Variants in CLRN1 observed in about 807,000 individuals in gnomAD.
CLRN1 encodes clarin-1.
Under a neutral mutation model 18.7 loss-of-function variants are expected in CLRN1, and 15 were observed. The observed-to-expected ratio is 0.80, with a 90% confidence interval of 0.54 to 1.23. The LOEUF (loss-of-function observed/expected upper bound fraction) is 1.23. CLRN1 is among the 50% of genes most tolerant of loss of function. The probability of loss-of-function intolerance (pLI) is 0.00; values close to 1 mark genes in which losing one functional copy is unlikely to be tolerated. For missense variants in CLRN1, 311 were observed against 277.5 expected, an observed-to-expected ratio of 1.12 and a Z score of -0.86; for synonymous variants, 104 against 102.9, an observed-to-expected ratio of 1.01 and a Z score of -0.07.
chr3:150,943,755 G>A, intron 1 of CLRN1: 1 of 1,612,236 alleles, frequency 6.2e-7, no homozygotes, highest in Non-Finnish European at 8.5e-7. Flanking sequence ...GCTGTCCACA[G>A]ATGGCAGAGC....
At chr3:150,969,472 G>GT in intron 1 of CLRN1, among the ~76,000 whole-genome samples, 1 of 150,232 alleles carries the variant, frequency 6.7e-6, no homozygotes, top group South Asian at 2.1e-4. Context: ...GACTACAGGC[G>GT]CCCCCGCCAC....
chr3:150,942,661 T>C (rs1375679566), intron 1 of CLRN1: 1 of 430,882 alleles, frequency 2.3e-6, no homozygotes. Flanking sequence ...AGACAGACCA[T>C]TAGAAAGCAA....
Position 150,960,026 on chromosome 3 carries a change from G to A in CLRN1, c.253+12430C>T, listed in dbSNP as rs938853076. ...GGCCAATGGGGAGACAAACAGCCAGGCATTAACTGAGCGGCAGCATGGCGG... is the reference window on the plus strand; with the variant it reads ...GGCCAATGGGGAGACAAACAGCCAGACATTAACTGAGCGGCAGCATGGCGG... On this transcript the variant is annotated intron_variant, in intron 1 of 2. Transcript: ENST00000327047. Among the ~76,000 whole-genome samples, 4 of 152,170 alleles carry A rather than the reference G, an allele frequency of 2.6e-5. No homozygotes were observed. In the South Asian group the frequency reaches 8.3e-4, roughly 32 times the overall value.
chr3:150,953,790 T>C lies in CLRN1; in HGVS notation c.254-12029A>G, dbSNP rs560931622. On this transcript the variant is annotated intron_variant, in intron 1 of 2. Transcript: ENST00000327047. ...ACCTCGGCCTCCCACAGTGCTGGGA[T>C]TACAGGTGTGAGTCACCACACCCGG... Among the ~76,000 whole-genome samples the C allele has an allele frequency of 8.5e-5, 13 of 152,334 alleles. No homozygotes were observed. The South Asian group carries it at 1.2e-3, about 15-fold the overall frequency.
At position 150,928,096 on chromosome 3, in the gene CLRN1, G is replaced by A. The variant is rs377547041; in HGVS notation, c.539C>T (p.Thr180Met). ...NYKEGTYVYK[T>M]QSEKYTTSFW... ...TGAGGTGGTATATTTTTCACTTTGC[G>A]TTTTGTAGACATAAGTCCCTTCTTT... The change falls in exon 3 of 3, where the codon ACG becomes ATG. Residue 180 changes from threonine to methionine, a missense_variant. Coordinates refer to ENST00000327047, the MANE Select transcript of CLRN1 (RefSeq NM_174878.3). The A allele has an allele frequency of 2.5e-5, 40 of 1,613,368 alleles. No individual in the cohort carries two copies. The African/African-American group carries it at 3.3e-4, about 13-fold the overall frequency.
chr3:150,971,684 T>C (rs967786700), intron 1 of CLRN1, among the ~76,000 whole-genome samples: 2 of 152,230 alleles, frequency 1.3e-5, no homozygotes, highest in African/African-American at 4.8e-5. Context: ...TTGTAAGAGA[T>C]ATAACAAATG....
intron 1 of CLRN1, among the ~76,000 whole-genome samples, chr3:150,947,989 T>C (rs535048156): frequency 6.6e-6 from 1 of 152,084 alleles, no homozygotes; most frequent in East Asian, 1.9e-4. Context: ...CTGAAAGAAT[T>C]AGAGAAGCAA....
At chr3:150,956,398 A>G (rs1310870602) in intron 1 of CLRN1, among the ~76,000 whole-genome samples, 1 of 152,152 alleles carries the variant, frequency 6.6e-6, no homozygotes, top group Non-Finnish European at 1.5e-5. Context: ...AAGTCTGGTA[A>G]GCAGAAATTT....
intron 2 of CLRN1, 195 bp downstream of exon 2, chr3:150,941,387 A>T (rs946841849): frequency 1.7e-6 from 1 of 583,632 alleles, no homozygotes; most frequent in African/African-American, 1.9e-5. Context: ...TTATTCATAT[A>T]GATGTCCATA....
At chr3:150,962,169 T>C (rs1455207160) in intron 1 of CLRN1, among the ~76,000 whole-genome samples, 1 of 152,196 alleles carries the variant, frequency 6.6e-6, no homozygotes, top group Non-Finnish European at 1.5e-5. Context: ...ATGATTATGT[T>C]GGGGTAATAA....
chr3:150,972,840 C>A (rs577594303), upstream of CLRN1: 7 of 1,262,654 alleles, frequency 5.5e-6, no homozygotes, highest in African/African-American at 5.9e-5. Flanking sequence ...GGCAACTTCA[C>A]CATCGACGGT....
At chr3:150,970,331 G>T (rs1715470045) in intron 1 of CLRN1, among the ~76,000 whole-genome samples, 1 of 152,152 alleles carries the variant, frequency 6.6e-6, no homozygotes, top group South Asian at 2.1e-4. Context: ...AAGCTGCGTT[G>T]CAATGGGAGT....
At chr3:150,945,626 G>T in intron 1 of CLRN1, 2 of 1,286,572 alleles carry the variant, frequency 1.6e-6, no homozygotes, top group Non-Finnish European at 2.0e-6. Context: ...TCACTCAGGA[G>T]TCATGGCCAG....
chr3:150,946,337 G>A lies in CLRN1; in HGVS notation c.254-4576C>T, dbSNP rs188210112. Reference sequence around the variant, plus strand: ...GACCAAGATTTATACTTAGTGAGTGGCATAATAGGAATTTGAATTCATGTT... The same window carrying A: ...GACCAAGATTTATACTTAGTGAGTGACATAATAGGAATTTGAATTCATGTT... On this transcript the variant is annotated intron_variant, in intron 1 of 2. Coordinates refer to ENST00000327047, the MANE Select transcript of CLRN1 (RefSeq NM_174878.3). Among the ~76,000 whole-genome samples, 216 of 152,254 alleles carry A rather than the reference G, an allele frequency of 1.4e-3. 2 individuals carry two copies. In the Middle Eastern group the frequency reaches 0.02, roughly 14 times the overall value.
chr3:150,965,009 C>A (rs1278207352), intron 1 of CLRN1, among the ~76,000 whole-genome samples: 1 of 152,008 alleles, frequency 6.6e-6, no homozygotes, highest in Non-Finnish European at 1.5e-5. Flanking sequence ...TGTAACAAAC[C>A]TGCATGTTCT....
chr3:150,942,545 A>G, intron 1 of CLRN1: 1 of 446,904 alleles, frequency 2.2e-6, no homozygotes, highest in Non-Finnish European at 4.5e-6. Flanking sequence ...TTATTCACTG[A>G]GCACCTACTA....
intron 1 of CLRN1, among the ~76,000 whole-genome samples, chr3:150,961,676 CTT>C (rs1715044629): frequency 6.6e-6 from 1 of 152,152 alleles, no homozygotes; most frequent in African/African-American, 2.4e-5. Flanking sequence ...TATTTGGCCT[CTT>C]GGTGCTCAGC....
chr3:150,964,908 G>C (rs1393010723), intron 1 of CLRN1, among the ~76,000 whole-genome samples: 1 of 152,100 alleles, frequency 6.6e-6, no homozygotes, highest in Non-Finnish European at 1.5e-5. Context: ...CGGTGGGTGG[G>C]GGACTAGGGG....
chr3:150,931,146 T>C (rs1559977956), intron 2 of CLRN1, among the ~76,000 whole-genome samples: 1 of 152,196 alleles, frequency 6.6e-6, no homozygotes. Flanking sequence ...CTTCTCTCTG[T>C]CCATGGCTCT....
Sources: gnomAD v4.1 joint callset for allele counts (sites outside exome capture counted in the v4.1 genomes callset) on GRCh38, gnomAD v4.1.1 for gene constraint, MANE v1.5 for transcripts, NCBI Gene and HGNC (gene_info 2026-07-23, HGNC 2026-07-21) for gene names.